The following C5 variants were observed in gnomAD, a reference collection of about 807,000 sequenced individuals.
C5 encodes the protein C3 and PZP-like alpha-2-macroglobulin domain-containing protein 4.
A neutral mutation model predicts 218.8 loss-of-function variants in C5; 140 were observed. The observed-to-expected ratio is 0.64, with a 90% CI of 0.56 to 0.74. C5 has a LOEUF of 0.74. Ranked by LOEUF, C5 falls within the 30% of genes least tolerant of loss-of-function variation. The probability of loss-of-function intolerance (pLI) is 0.00; values close to 1 mark genes in which losing one functional copy is unlikely to be tolerated. For missense variants in C5, 1,700 were observed against 1,969.6 expected (o/e 0.86, Z 2.59); for synonymous variants, 614 against 682.3 (o/e 0.90, Z 1.56).
At chr9:121,052,231 T>G (rs1356006151), upstream of C5, among the ~76,000 whole-genome samples, 2 of 151,888 alleles carry the variant, frequency 1.3e-5, no homozygotes, top group East Asian at 3.9e-4. Flanking sequence ...CCGAGGTGGG[T>G]GGATCACCTG....
At chr9:121,002,243 T>TATAC (rs1564146467) in intron 20 of C5, among the ~76,000 whole-genome samples, 1 of 38,460 alleles carries the variant, frequency 2.6e-5, no homozygotes, top group Non-Finnish European at 6.2e-5. Flanking sequence ...TATATGTATA[T>TATAC]GTATATATAT....
the C5 span, among the ~76,000 whole-genome samples, chr9:121,063,830 G>A: frequency 6.6e-6 from 1 of 152,074 alleles, no homozygotes; most frequent in Non-Finnish European, 1.5e-5. Context: ...AGATATGATG[G>A]TCCCCATTTA....
chr9:121,043,909 C>T (rs531083019), intron 2 of C5, among the ~76,000 whole-genome samples: 1 of 151,982 alleles, frequency 6.6e-6, no homozygotes, highest in African/African-American at 2.4e-5. Flanking sequence ...AGTTGAGATG[C>T]TCATTTTCCA....
At chr9:121,047,987 T>C (rs1026504509) in intron 1 of C5, among the ~76,000 whole-genome samples, 1 of 152,146 alleles carries the variant, frequency 6.6e-6, no homozygotes, top group Non-Finnish European at 1.5e-5. Flanking sequence ...AATTTTAAGG[T>C]GAAGAAACTG....
chr9:120,979,621 C>T, intron 28 of C5: 1 of 214,346 alleles, frequency 4.7e-6, no homozygotes, highest in Non-Finnish European at 9.4e-6. Flanking sequence ...GGTGTGGTGG[C>T]TCATGCCTGT....
At chr9:120,971,496 T>C (rs1336171911) in intron 31 of C5, among the ~76,000 whole-genome samples, 3 of 152,172 alleles carry the variant, frequency 2.0e-5, no homozygotes. Context: ...TGCAGTGCAG[T>C]TGTGCCATCT....
chr9:120,952,867 A>T lies in C5; in HGVS notation c.4903T>A (p.Tyr1635Asn). 1 of 1,613,684 alleles carries T rather than the reference A, an allele frequency of 6.2e-7. No homozygotes were observed. The highest frequency in any genetic ancestry group is 2.2e-5 in the East Asian group (1 of 44,868). The change falls in exon 41 of 41, where the codon TAC (tyrosine) becomes AAC (asparagine). Residue 1635 changes from tyrosine to asparagine, a missense_variant and splice_region_variant. By Grantham distance (143) the Tyr-to-Asn change is moderately radical. Coordinates refer to ENST00000223642, the MANE Select transcript of C5 (RefSeq NM_001735.3). ...GTCAAGGAATCTAAAGGGTAGATGTACCTACCAAGAAACAAAGTGTTTGTG... is the reference window on the plus strand; with the variant it reads ...GTCAAGGAATCTAAAGGGTAGATGTTCCTACCAAGAAACAAAGTGTTTGTG... ...LQIKYNFSFR[Y>N]IYPLDSLTWI...
chr9:121,054,132 C>T (rs2047686615), upstream of C5, among the ~76,000 whole-genome samples: 1 of 151,984 alleles, frequency 6.6e-6, no homozygotes, highest in African/African-American at 2.4e-5. Flanking sequence ...TTGTTATACC[C>T]CCTCCCTTTG....
chr9:120,986,357 A>C (rs928176868), intron 25 of C5, among the ~76,000 whole-genome samples: 1 of 112,132 alleles, frequency 8.9e-6, no homozygotes, highest in African/African-American at 3.2e-5. Context: ...CAATATCCAC[A>C]ATGTTCTTTA....
At position 121,001,572 on chromosome 9, in the gene C5, T is replaced by G. The variant is rs1587970861; in HGVS notation, c.2563-3798A>C. On this transcript the variant is annotated intron_variant, in intron 20 of 40. Transcript: ENST00000223642. The stretch of plus-strand genomic sequence containing the variant: ...AGTTGTATTCATTGTGTATACATAT[T>G]ATTCTGCAATTTGCTTTTTTCAGCA... 2.6e-5 allele frequency among the ~76,000 whole-genome samples: 4 copies of G among 152,376 alleles called. No homozygotes were observed. In the Middle Eastern group the frequency reaches 0.014, roughly 518 times the overall value.
At chr9:121,063,098 C>A in the C5 span, among the ~76,000 whole-genome samples, 2 of 151,466 alleles carry the variant, frequency 1.3e-5, no homozygotes, top group East Asian at 3.9e-4. Context: ...TTCTGGAACT[C>A]TCTTCATGCA....
intron 17 of C5, among the ~76,000 whole-genome samples, chr9:121,011,773 A>G (rs553080279): frequency 6.6e-6 from 1 of 152,366 alleles, no homozygotes; most frequent in South Asian, 2.1e-4. Context: ...GTGCATATAC[A>G]CAATGGAGTA....
chr9:120,999,953 G>A (rs2047146585), intron 20 of C5: 1 of 445,606 alleles, frequency 2.2e-6, no homozygotes. Context: ...CAGCTACTTG[G>A]GAGGCTGAGG....
At chr9:121,018,646 G>GAAAGAAAA (rs1554723511) in intron 12 of C5, among the ~76,000 whole-genome samples, 10 of 73,558 alleles carry the variant, frequency 1.4e-4, no homozygotes, top group African/African-American at 1.6e-4. Context: ...AGGGAGGGAG[G>GAAAGAAAA]GAAAGAAAGA....
chr9:121,033,268 G>C (rs1266431493), intron 5 of C5, among the ~76,000 whole-genome samples: 1 of 152,094 alleles, frequency 6.6e-6, no homozygotes, highest in Non-Finnish European at 1.5e-5. Flanking sequence ...TAAGCTAGTG[G>C]GGAATAAAAA....
chr9:121,019,392 T>A (rs1227758292), intron 12 of C5, among the ~76,000 whole-genome samples: 1 of 152,254 alleles, frequency 6.6e-6, no homozygotes, highest in Non-Finnish European at 1.5e-5. Context: ...CAGGAAGCTC[T>A]TAATATTTTC....
chr9:121,008,581 T>C, intron 17 of C5, 83 bp from the exon 18 acceptor site: 1 of 973,286 alleles, frequency 1.0e-6, no homozygotes, highest in South Asian at 1.3e-5. Flanking sequence ...GCCATTAATC[T>C]GTAACTTAAG....
intron 4 of C5, among the ~76,000 whole-genome samples, chr9:121,036,702 A>G (rs1397468325): frequency 6.6e-6 from 1 of 151,360 alleles, no homozygotes; most frequent in Admixed American, 6.6e-5. Context: ...CCCTTTAACT[A>G]CTCCGTTCCA....
intron 22 of C5, among the ~76,000 whole-genome samples, chr9:120,994,918 T>G: frequency 8.1e-6 from 1 of 122,816 alleles, no homozygotes; most frequent in Non-Finnish European, 1.8e-5. Flanking sequence ...GAAGCATCTG[T>G]GGTGAAAAAA....
Sources: gnomAD v4.1 joint callset for allele counts (sites outside exome capture counted in the v4.1 genomes callset) on GRCh38, gnomAD v4.1.1 for gene constraint, MANE v1.5 for transcripts, NCBI Gene and HGNC (gene_info 2026-07-23, HGNC 2026-07-21) for gene names.